The following B4GALT1 variants were observed in gnomAD, a reference collection of about 807,000 sequenced individuals.
B4GALT1 encodes the protein beta-1,4-galactosyltransferase 1.
Under a neutral mutation model 34.9 loss-of-function variants are expected in B4GALT1, and 16 were observed. The observed-to-expected ratio is 0.46, with a 90% confidence interval of 0.31 to 0.70. The LOEUF (loss-of-function observed/expected upper bound fraction) is 0.70, where lower values mean the gene tolerates loss of function less well. Ranked by LOEUF, B4GALT1 falls within the 30% of genes least tolerant of loss-of-function variation. The pLI, the probability that B4GALT1 is intolerant of heterozygous loss-of-function variation, is 0.05. For synonymous variants in B4GALT1, 221 were observed against 218.1 expected (o/e 1.01, Z -0.12); for missense variants, 445 against 530.5 (o/e 0.84, Z 1.58).
At chr9:33,157,365 T>C (rs769459438) in intron 1 of B4GALT1, among the ~76,000 whole-genome samples, 10 of 152,214 alleles carry the variant, frequency 6.6e-5, no homozygotes, top group Non-Finnish European at 1.2e-4. Context: ...CCCAGGAAAG[T>C]AATTCAACTG....
chr9:33,154,602 T>C (rs1840570468), intron 1 of B4GALT1, among the ~76,000 whole-genome samples: 1 of 152,230 alleles, frequency 6.6e-6, no homozygotes, highest in Non-Finnish European at 1.5e-5. Flanking sequence ...CGTTCAGTGA[T>C]GTAGGTGGTT....
upstream of B4GALT1, among the ~76,000 whole-genome samples, chr9:33,167,650 G>C (rs1016621196): frequency 2.6e-5 from 4 of 152,240 alleles, no homozygotes; most frequent in African/African-American, 4.8e-5. Context: ...GACAGGCCGC[G>C]CCACTTCCTG....
intron 1 of B4GALT1, among the ~76,000 whole-genome samples, chr9:33,159,864 C>T (rs148600982): frequency 9.2e-5 from 14 of 152,310 alleles, no homozygotes; most frequent in Admixed American, 2.6e-4. Flanking sequence ...CACAGAAGTC[C>T]AGCACAGGGA....
chr9:33,162,940 T>C (rs1421320505), intron 1 of B4GALT1, among the ~76,000 whole-genome samples: 1 of 152,152 alleles, frequency 6.6e-6, no homozygotes, highest in Non-Finnish European at 1.5e-5. Context: ...AGACAAAGAA[T>C]GTCTGTGTAT....
rs547298256 is a variant in B4GALT1 at position 33,114,953 on chromosome 9, C to T, written c.959+1038G>A. 5.9e-5 allele frequency among the ~76,000 whole-genome samples: 9 copies of T among 152,338 alleles called. No individual in the cohort carries two copies. In the South Asian group the frequency reaches 6.2e-4, roughly 11 times the overall value. ...ACCATTCAGACCTGTGGTATCCTGT[C>T]GGCCCTGCACACTGTCATATCAGTC... On this transcript the variant is annotated intron_variant, in intron 4 of 5. Transcript: ENST00000379731.
intron 1 of B4GALT1, among the ~76,000 whole-genome samples, chr9:33,146,446 A>C (rs1587743296): frequency 2.0e-5 from 3 of 152,118 alleles, no homozygotes; most frequent in Non-Finnish European, 4.4e-5. Flanking sequence ...TAAGACTTTC[A>C]CCTCCAGGCT....
intron 1 of B4GALT1, among the ~76,000 whole-genome samples, chr9:33,158,145 A>G (rs1693000191): frequency 6.6e-6 from 1 of 152,138 alleles, no homozygotes; most frequent in African/African-American, 2.4e-5. Context: ...GCCAAACTGG[A>G]ATCTAGGAGG....
At chr9:33,129,730 A>C (rs1195059969) in intron 2 of B4GALT1, among the ~76,000 whole-genome samples, 1 of 152,236 alleles carries the variant, frequency 6.6e-6, no homozygotes, top group African/African-American at 2.4e-5. Flanking sequence ...GGGAAGGAGA[A>C]GTCAGCTCTA....
At chr9:33,143,217 G>C (rs1379052501) in intron 1 of B4GALT1, among the ~76,000 whole-genome samples, 1 of 152,168 alleles carries the variant, frequency 6.6e-6, no homozygotes, top group Non-Finnish European at 1.5e-5. Context: ...ACCGTAGGTG[G>C]CCAAGTGGGA....
At chr9:33,166,715 G>A (rs1466270503) in intron 1 of B4GALT1, 43 bp downstream of exon 1, 3 of 1,478,120 alleles carry the variant, frequency 2.0e-6, no homozygotes, top group South Asian at 2.8e-5. Context: ...GGGAAATCCG[G>A]GGGGGTCCCA....
chr9:33,123,759 A>G (rs964400440), intron 2 of B4GALT1, among the ~76,000 whole-genome samples: 1 of 152,170 alleles, frequency 6.6e-6, no homozygotes, highest in African/African-American at 2.4e-5. Flanking sequence ...GGAATTTTGG[A>G]ACCACGAATG....
At chr9:33,153,994 AG>A (rs1840559929) in intron 1 of B4GALT1, among the ~76,000 whole-genome samples, 1 of 106,758 alleles carries the variant, frequency 9.4e-6, no homozygotes, top group Admixed American at 1.4e-4. Context: ...AAAAGAAGGG[AG>A]GGGAGGGGAG....
intron 2 of B4GALT1, among the ~76,000 whole-genome samples, chr9:33,131,225 G>A (rs1292848240): frequency 6.6e-6 from 1 of 152,206 alleles, no homozygotes; most frequent in Non-Finnish European, 1.5e-5. Context: ...GTCAGACGCT[G>A]GGGTTTGAGC....
intron 1 of B4GALT1, among the ~76,000 whole-genome samples, chr9:33,151,039 G>T (rs1840510331): frequency 6.6e-6 from 1 of 152,140 alleles, no homozygotes; most frequent in African/African-American, 2.4e-5. Context: ...GTCCTTCCAG[G>T]GCTGTACAAA....
upstream of B4GALT1, among the ~76,000 whole-genome samples, chr9:33,169,283 T>C (rs1433560725): frequency 6.6e-6 from 1 of 152,182 alleles, no homozygotes; most frequent in Non-Finnish European, 1.5e-5. Flanking sequence ...CACCCACATC[T>C]GTCACTCTAC....
chr9:33,149,843 T>C (rs1292776236), intron 1 of B4GALT1, among the ~76,000 whole-genome samples: 2 of 152,180 alleles, frequency 1.3e-5, no homozygotes, highest in Non-Finnish European at 2.9e-5. Flanking sequence ...TGGCCTGTAC[T>C]CTTCAACAAT....
rs371221764 is a variant in B4GALT1 at position 33,163,967 on chromosome 9, T to C, written c.412+2791A>G. 3.3e-5 allele frequency among the ~76,000 whole-genome samples: 5 copies of C among 152,132 alleles called. No homozygotes were observed. In the East Asian group the frequency reaches 5.8e-4, roughly 18 times the overall value. ...CCCGGTGTGGGGGCGGGGGGTACTA[T>C]GGCTCCAAACCTGCAGCCTGCCCCA... On this transcript the variant is annotated intron_variant, in intron 1 of 5. Transcript: ENST00000379731.
downstream of B4GALT1, among the ~76,000 whole-genome samples, chr9:33,106,368 T>A (rs929600887): frequency 6.6e-6 from 1 of 152,188 alleles, no homozygotes; most frequent in African/African-American, 2.4e-5. Flanking sequence ...ACCCTATTTC[T>A]TACTCCTGGG....
upstream of B4GALT1, among the ~76,000 whole-genome samples, chr9:33,169,133 C>T (rs1465480561): frequency 6.6e-6 from 1 of 152,232 alleles, no homozygotes; most frequent in Non-Finnish European, 1.5e-5. Context: ...CACCCTGCTT[C>T]CACCTCCTCC....
Sources: allele counts gnomAD v4.1 joint callset (sites outside exome capture counted in the v4.1 genomes callset), GRCh38; gene constraint gnomAD v4.1.1; transcripts MANE v1.5; gene names NCBI Gene and HGNC (gene_info 2026-07-23, HGNC 2026-07-21).